ABCC1: variants seen among roughly 807,000 people sequenced by gnomAD.
The protein encoded by ABCC1 is multidrug resistance-associated protein 1.
Under a neutral mutation model 172.9 loss-of-function variants are expected in ABCC1, and 83 were observed. That is an observed-to-expected ratio of 0.48 (90% CI 0.40 to 0.58). ABCC1 has a LOEUF of 0.58. Ranked by LOEUF, ABCC1 falls within the 20% of genes least tolerant of loss-of-function variation. The pLI is 0.00. For synonymous variants in ABCC1, 937 were observed against 825.2 expected (o/e 1.14, Z -2.32); for missense variants, 1,817 against 2,002.7 (o/e 0.91, Z 1.77).
intron 24 of ABCC1, among the ~76,000 whole-genome samples, chr16:16,123,577 A>G (rs1416003799): frequency 6.6e-6 from 1 of 152,028 alleles, no homozygotes; most frequent in East Asian, 1.9e-4. Context: ...CAGTGAGCCA[A>G]GACCGCACCA....
At chr16:16,107,184 T>C (rs911857886) in intron 21 of ABCC1, among the ~76,000 whole-genome samples, 1 of 152,222 alleles carries the variant, frequency 6.6e-6, no homozygotes, top group African/African-American at 2.4e-5. Flanking sequence ...AGCTGGATGC[T>C]TTAAATCAGG....
intron 18 of ABCC1, among the ~76,000 whole-genome samples, chr16:16,088,031 C>G (rs2051081993): frequency 1.3e-5 from 2 of 152,002 alleles, no homozygotes; most frequent in African/African-American, 4.8e-5. Flanking sequence ...TAGTACAAAA[C>G]ATTTTTGAAA....
chr16:15,991,030 A>G (rs1048622285), intron 1 of ABCC1, among the ~76,000 whole-genome samples: 1 of 151,890 alleles, frequency 6.6e-6, no homozygotes, highest in South Asian at 2.1e-4. Flanking sequence ...TTCTTTGTCC[A>G]CTTGACCACG....
intron 1 of ABCC1, among the ~76,000 whole-genome samples, chr16:15,952,356 C>T (rs1043458345): frequency 6.6e-6 from 1 of 152,148 alleles, no homozygotes; most frequent in African/African-American, 2.4e-5. Context: ...GCACCCGTGC[C>T]TGGCTCCTGT....
intron 29 of ABCC1, among the ~76,000 whole-genome samples, chr16:16,138,049 G>T (rs973876885): frequency 1.3e-5 from 2 of 151,856 alleles, no homozygotes; most frequent in African/African-American, 2.4e-5. Flanking sequence ...AGAGATGGGG[G>T]TCTTGCTTTT....
intron 1 of ABCC1, among the ~76,000 whole-genome samples, chr16:15,952,012 C>T (rs549514556): frequency 2.0e-5 from 3 of 152,046 alleles, no homozygotes; most frequent in East Asian, 2.0e-4. Context: ...TTCAAGGTAG[C>T]GTGTCCGAGG....
intron 14 of ABCC1, chr16:16,076,066 C>T (rs955101122): frequency 3.8e-6 from 2 of 529,088 alleles, no homozygotes; most frequent in Middle Eastern, 4.7e-4. Flanking sequence ...CCAAGATGAT[C>T]GTCCAGATGG....
chr16:16,106,693 C>T, intron 20 of ABCC1, 45 bp from the exon 21 acceptor site: 3 of 1,612,038 alleles, frequency 1.9e-6, no homozygotes, highest in Non-Finnish European at 2.5e-6. Flanking sequence ...CCGACCCTGC[C>T]CAAGGCATCT....
chr16:16,107,586 G>C (rs2052186898), intron 21 of ABCC1, among the ~76,000 whole-genome samples: 1 of 152,164 alleles, frequency 6.6e-6, no homozygotes, highest in African/African-American at 2.4e-5. Context: ...ACCGCGTCCT[G>C]CCTGTTTTTC....
chr16:16,127,936 T>TA (rs1354930900), intron 26 of ABCC1, among the ~76,000 whole-genome samples: 13 of 146,844 alleles, frequency 8.9e-5, no homozygotes, highest in African/African-American at 3.1e-4. Context: ...TTTTTTTTTT[T>TA]AGATGGAATT....
intron 1 of ABCC1, among the ~76,000 whole-genome samples, chr16:15,950,735 G>A (rs1029048791): frequency 3.2e-4 from 49 of 152,138 alleles, no homozygotes; most frequent in African/African-American, 1.2e-3. Flanking sequence ...AACGCAGTAG[G>A]CAAATCTGGA....
chr16:15,964,490 AT>A (rs370865045), intron 1 of ABCC1, among the ~76,000 whole-genome samples: 1 of 152,258 alleles, frequency 6.6e-6, no homozygotes, highest in Non-Finnish European at 1.5e-5. Context: ...TCCAATTCAG[AT>A]TACAATTCAA....
At chr16:15,987,726 C>T (rs1167671665) in intron 1 of ABCC1, among the ~76,000 whole-genome samples, 1 of 152,238 alleles carries the variant, frequency 6.6e-6, no homozygotes, top group African/African-American at 2.4e-5. Context: ...AAGTCAGAAT[C>T]CCTGCGGTGG....
chr16:16,094,523 C>CTTT, intron 19 of ABCC1: 2 of 153,384 alleles, frequency 1.3e-5, no homozygotes, highest in Non-Finnish European at 2.9e-5. Flanking sequence ...TTTTCTTTTT[C>CTTT]TTTTTTTTGA....
intron 1 of ABCC1, among the ~76,000 whole-genome samples, chr16:15,951,271 G>C (rs2045865511): frequency 6.6e-6 from 1 of 152,160 alleles, no homozygotes; most frequent in Admixed American, 6.5e-5. Flanking sequence ...ACATCCATGA[G>C]GTTTTGTATC....
chr16:16,113,394 G>A (rs2044707263), intron 22 of ABCC1, among the ~76,000 whole-genome samples: 1 of 152,132 alleles, frequency 6.6e-6, no homozygotes, highest in Admixed American at 6.5e-5. Flanking sequence ...AGTAGCTCAC[G>A]CCTGTAACCC....
chr16:16,024,759 C>T (rs1330792968), intron 5 of ABCC1, among the ~76,000 whole-genome samples: 1 of 152,080 alleles, frequency 6.6e-6, no homozygotes, highest in Non-Finnish European at 1.5e-5. Context: ...TCCTCAGGCT[C>T]AAAGGAAGAG....
chr16:15,954,784 T>C (rs1217327312), intron 1 of ABCC1, among the ~76,000 whole-genome samples: 1 of 151,964 alleles, frequency 6.6e-6, no homozygotes, highest in African/African-American at 2.4e-5. Flanking sequence ...CTTTGGGACC[T>C]GGTGGTAGAT....
intron 1 of ABCC1, among the ~76,000 whole-genome samples, chr16:15,975,460 G>GC (rs2046465342): frequency 6.6e-6 from 1 of 152,136 alleles, no homozygotes; most frequent in South Asian, 2.1e-4. Flanking sequence ...AATGGGGTAT[G>GC]CGTGGTTAGG....
Sources: allele counts gnomAD v4.1 joint callset (sites outside exome capture counted in the v4.1 genomes callset), GRCh38; gene constraint gnomAD v4.1.1; transcripts MANE v1.5; gene names NCBI Gene and HGNC (gene_info 2026-07-23, HGNC 2026-07-21).